Variants in DTHD1 observed in about 807,000 individuals in gnomAD.
DTHD1 encodes the protein death domain containing 1.
Under a neutral mutation model 74.8 loss-of-function variants are expected in DTHD1, and 59 were observed. That is an observed-to-expected ratio of 0.79 (90% CI 0.64 to 0.98). The LOEUF (loss-of-function observed/expected upper bound fraction) is 0.98, where lower values mean the gene tolerates loss of function less well. Ranked by LOEUF, DTHD1 falls within the 50% of genes least tolerant of loss-of-function variation. The pLI is 0.00. For synonymous variants in DTHD1, 365 were observed against 371.1 expected (o/e 0.98, Z 0.19); for missense variants, 1,051 against 1,065.4 (o/e 0.99, Z 0.19).
intron 2 of DTHD1, 95 bp downstream of exon 2, chr4:36,284,686 A>AT (rs1755602291): frequency 2.1e-6 from 2 of 961,676 alleles, no homozygotes; most frequent in Non-Finnish European, 3.0e-6. Flanking sequence ...GGCTGCTACA[A>AT]CAAAACATCA....
intron 7 of DTHD1, among the ~76,000 whole-genome samples, chr4:36,313,113 T>C (rs898657123): frequency 3.9e-5 from 6 of 152,204 alleles, no homozygotes; most frequent in African/African-American, 1.4e-4. Context: ...AAATATTTAT[T>C]GTTACATTTG....
intron 8 of DTHD1, among the ~76,000 whole-genome samples, chr4:36,338,227 T>G (rs1195396174): frequency 6.6e-6 from 1 of 152,222 alleles, no homozygotes; most frequent in Non-Finnish European, 1.5e-5. Flanking sequence ...ACATAACCTT[T>G]TGAGACTAGA....
chr4:36,331,318 T>A (rs920605669), intron 8 of DTHD1, among the ~76,000 whole-genome samples: 8 of 152,182 alleles, frequency 5.3e-5, no homozygotes, highest in African/African-American at 1.9e-4. Flanking sequence ...AAACAAGTTA[T>A]GATTTTACAT....
intron 2 of DTHD1, among the ~76,000 whole-genome samples, chr4:36,285,751 T>C (rs2109441342): frequency 6.6e-6 from 1 of 152,352 alleles, no homozygotes; most frequent in South Asian, 2.1e-4. Flanking sequence ...TTTCTCAGCC[T>C]AATTTACTTA....
chr4:36,328,509 C>T (rs994017697), intron 8 of DTHD1, among the ~76,000 whole-genome samples: 1 of 151,648 alleles, frequency 6.6e-6, no homozygotes, highest in African/African-American at 2.4e-5. Flanking sequence ...TGGGCATGCA[C>T]GTAAGCACGC....
chr4:36,296,524 C>T (rs565030605), intron 5 of DTHD1, among the ~76,000 whole-genome samples: 1 of 152,084 alleles, frequency 6.6e-6, no homozygotes, highest in South Asian at 2.1e-4. Context: ...TGATATGTGT[C>T]TACTTTTAAG....
At chr4:36,294,698 T>G (rs1219880058) in intron 4 of DTHD1, 97 bp from the exon 5 acceptor site, 11 of 1,191,274 alleles carry the variant, frequency 9.2e-6, no homozygotes, top group Non-Finnish European at 9.0e-6. Context: ...TGTATAAAAC[T>G]ATGCTGCATA....
chr4:36,288,219 C>A (rs1414665046), intron 2 of DTHD1, among the ~76,000 whole-genome samples: 2 of 152,168 alleles, frequency 1.3e-5, no homozygotes, highest in African/African-American at 4.8e-5. Flanking sequence ...CTGTTCCAGT[C>A]TCCTAAGTAA....
intron 8 of DTHD1, among the ~76,000 whole-genome samples, chr4:36,327,598 G>A (rs372286032): frequency 2.4e-4 from 37 of 152,250 alleles, no homozygotes; most frequent in East Asian, 1.9e-3. Context: ...TTTATGGAGC[G>A]CTTGCATGTT....
At chr4:36,339,299 G>T (rs1027422398) in intron 9 of DTHD1, 130 bp downstream of exon 9, 1 of 600,274 alleles carries the variant, frequency 1.7e-6, no homozygotes, top group Admixed American at 3.8e-5. Flanking sequence ...AACTTTATTG[G>T]CCTAATAAAT....
Position 36,281,634 on chromosome 4 carries a change from A to G in DTHD1, c.-125A>G. 1 of 1,226,656 alleles carries G rather than the reference A, an allele frequency of 8.2e-7. No individual in the cohort carries two copies. Among genetic ancestry groups the G allele is most frequent in the Non-Finnish European group, 1.0e-6 (1 of 983,188 alleles). 76.0% of individuals were successfully genotyped at this position (1,226,656 alleles called of 1,614,324 possible). On this transcript the variant is annotated 5_prime_UTR_variant, in exon 1 of 10. Transcript: ENST00000639862. ...CTGAATAACCACTATGTTGTGAGAA[A>G]GTGCTGGGCTAGCTGACTCGGATCA...
At position 36,320,006 on chromosome 4, in the gene DTHD1, C is replaced by T. The variant is rs557703620; in HGVS notation, c.2340+3520C>T. The stretch of plus-strand genomic sequence containing the variant: ...TAAGTGTTCCTGGTATATGGAGCTA[C>T]GGCATTTTGTACTTTCCTTATCACT... On this transcript the variant is annotated intron_variant, in intron 8 of 9. Coordinates refer to ENST00000639862, the MANE Select transcript of DTHD1 (RefSeq NM_001170700.3). Among the ~76,000 whole-genome samples, 9 of 152,298 alleles carry T rather than the reference C, an allele frequency of 5.9e-5. No homozygotes were observed. The South Asian group carries it at 1.0e-3, about 18-fold the overall frequency.
At chr4:36,309,114 A>C (rs2109501639) in intron 7 of DTHD1, among the ~76,000 whole-genome samples, 1 of 152,358 alleles carries the variant, frequency 6.6e-6, no homozygotes, top group East Asian at 1.9e-4. Flanking sequence ...CAAACTCTAA[A>C]GGAGTCTATG....
Position 36,281,718 on chromosome 4 carries a change from C to T in DTHD1, c.-41C>T. ...AGTTTGAATTTGCAAAACCTTTAGGCTTTGCTGGCAGGAGAGAAAATACCA... is the reference window on the plus strand; with the variant it reads ...AGTTTGAATTTGCAAAACCTTTAGGTTTTGCTGGCAGGAGAGAAAATACCA... On this transcript the variant is annotated 5_prime_UTR_variant, in exon 1 of 10. Transcript: ENST00000639862. 3 of 1,234,786 alleles carry T rather than the reference C, an allele frequency of 2.4e-6. No individual in the cohort carries two copies. The highest frequency in any genetic ancestry group is 2.0e-6 in the Non-Finnish European group (2 of 988,650). 76.5% of individuals were successfully genotyped at this position (1,234,786 alleles called of 1,614,324 possible).
intron 2 of DTHD1, among the ~76,000 whole-genome samples, 200 bp downstream of exon 2, chr4:36,284,791 G>A (rs1229740895): frequency 2.0e-5 from 3 of 152,184 alleles, no homozygotes; most frequent in Non-Finnish European, 4.4e-5. Context: ...TTGGTGTCTG[G>A]TGAGGGCTTT....
chr4:36,298,161 A>G (rs1756554851), intron 5 of DTHD1, among the ~76,000 whole-genome samples: 1 of 152,008 alleles, frequency 6.6e-6, no homozygotes, highest in Non-Finnish European at 1.5e-5. Flanking sequence ...TTTTCTGTCC[A>G]GATATCCTAA....
intron 7 of DTHD1, among the ~76,000 whole-genome samples, chr4:36,314,512 A>C (rs1014327191): frequency 7.8e-5 from 6 of 76,456 alleles, no homozygotes; most frequent in African/African-American, 2.0e-4. Flanking sequence ...CCGTCTCTAC[A>C]AAAAAAAAAA....
In DTHD1 at chr4:36,283,761, A is replaced by G. The variant is rs1755531840; in HGVS notation, c.272-215A>G. 1.1e-5 allele frequency: 6 copies of G among 550,964 alleles called. No individual in the cohort carries two copies. The South Asian group carries it at 1.6e-4, about 14-fold the overall frequency. 34.1% of individuals were successfully genotyped at this position (550,964 alleles called of 1,614,324 possible). A position where few individuals can be genotyped will look rare whatever the true frequency, so the allele number is the denominator to read the frequency against. ...AGAGGGATTAGATTTACTCTTTGCT[A>G]CCATGTTAAAAATGGTTTGTTGTCA... On this transcript the variant is annotated intron_variant, in intron 1 of 9. Coordinates refer to ENST00000639862, the MANE Select transcript of DTHD1 (RefSeq NM_001170700.3).
intron 5 of DTHD1, among the ~76,000 whole-genome samples, chr4:36,296,262 T>C (rs1425232581): frequency 1.3e-5 from 2 of 152,184 alleles, no homozygotes; most frequent in African/African-American, 4.8e-5. Context: ...ATTTTGTTTT[T>C]GTTTTGTTTT....
Sources: gnomAD v4.1 joint callset for allele counts (sites outside exome capture counted in the v4.1 genomes callset) on GRCh38, gnomAD v4.1.1 for gene constraint, MANE v1.5 for transcripts, NCBI Gene and HGNC (gene_info 2026-07-23, HGNC 2026-07-21) for gene names.